The following SPATC1L variants were observed in gnomAD, a reference collection of about 807,000 sequenced individuals.
SPATC1L encodes the protein spermatogenesis and centriole associated 1 like, also known as speriolin-like protein.
SPATC1L carries 20 observed loss-of-function variants against 21.2 expected under a neutral mutation model. That is an observed-to-expected ratio of 0.94 (90% confidence interval 0.66 to 1.37). SPATC1L has a LOEUF of 1.37. Among genes scored for constraint, SPATC1L ranks in the 40% most tolerant of loss-of-function variants. The pLI is 0.00. For synonymous variants in SPATC1L, 290 were observed against 234.5 expected, an observed-to-expected ratio of 1.24 and a Z score of -2.16; for missense variants, 499 against 478.7, an observed-to-expected ratio of 1.04 and a Z score of -0.40.
At chr21:46,177,710 C>T (rs933433871) in intron 2 of SPATC1L, among the ~76,000 whole-genome samples, 1 of 152,148 alleles carries the variant, frequency 6.6e-6, no homozygotes, top group African/African-American at 2.4e-5. Context: ...CCTCGAAGAC[C>T]TAAAAACAGA....
chr21:46,164,422 G>T (rs994998010), intron 3 of SPATC1L, among the ~76,000 whole-genome samples: 1 of 152,200 alleles, frequency 6.6e-6, no homozygotes, highest in Non-Finnish European at 1.5e-5. Flanking sequence ...CTGCACAGAA[G>T]TGTGTTAGGG....
rs3057184 is a variant in SPATC1L, at chr21:46,162,590, C to CTTTTTTTTTTTTTTTTTTTTTTT, written c.545-524_545-523insAAAAAAAAAAAAAAAAAAAAAAA. Among the ~76,000 whole-genome samples, 3 of 133,394 alleles carry CTTTTTTTTTTTTTTTTTTTTTTT rather than the reference C, an allele frequency of 2.2e-5. 1 individual carries two copies. The highest frequency in any genetic ancestry group is 6.0e-5 in the African/African-American group (2 of 33,594). The allele number at this position is 133,394 out of a possible 152,430, so 87.5% of individuals were successfully genotyped here. The stretch of plus-strand genomic sequence containing the variant: ...GAAAAGGACCGCTGGGTTGGCAGGA[C>CTTTTTTTTTTTTTTTTTTTTTTT]TTTTTTTTTTTTCTTAGACAGAGTC... On this transcript the variant is annotated intron_variant, in intron 3 of 4. Coordinates refer to ENST00000291672, the MANE Select transcript of SPATC1L (RefSeq NM_001142854.2).
At chr21:46,180,205 C>T (rs1026609078) in intron 2 of SPATC1L, among the ~76,000 whole-genome samples, 5 of 152,264 alleles carry the variant, frequency 3.3e-5, no homozygotes, top group Non-Finnish European at 2.9e-5. Context: ...TCAAGTGTGC[C>T]GGGGAGATCT....
chr21:46,176,170 T>C (rs1381825740), intron 2 of SPATC1L, among the ~76,000 whole-genome samples: 1 of 152,184 alleles, frequency 6.6e-6, no homozygotes, highest in Non-Finnish European at 1.5e-5. Context: ...GTAAGAGCTA[T>C]GTATGACAAA....
chr21:46,181,027 C>T (rs1293315165), intron 2 of SPATC1L, among the ~76,000 whole-genome samples: 1 of 152,250 alleles, frequency 6.6e-6, no homozygotes. Context: ...TGCCCCTCTC[C>T]TGCCAGGGGA....
intron 2 of SPATC1L, among the ~76,000 whole-genome samples, chr21:46,171,980 A>G (rs2079594379): frequency 6.6e-6 from 1 of 152,066 alleles, no homozygotes; most frequent in Non-Finnish European, 1.5e-5. Flanking sequence ...CAGGCCAAAA[A>G]TAATTGCACA....
At chr21:46,172,134 TGTGAGGTGGGGGATGCAAAGAGC>T (rs1305538511) in intron 2 of SPATC1L, among the ~76,000 whole-genome samples, 22 of 6,656 alleles carry the variant, frequency 3.3e-3, no homozygotes, top group African/African-American at 7.0e-3. Flanking sequence ...ATGCACAGAG[TGTGAGGTGGGGGATGCAAAGAGC>T]GTGAGGCGGG....
intron 2 of SPATC1L, among the ~76,000 whole-genome samples, chr21:46,172,335 A>G (rs75003466): frequency 0.11 from 16,287 of 152,266 alleles, 1,176 homozygotes; most frequent in African/African-American, 0.19. Context: ...GGGTGTGCAG[A>G]ACCCAGTGGC....
At chr21:46,167,567 C>T (rs1203871120) in intron 3 of SPATC1L, among the ~76,000 whole-genome samples, 1 of 152,116 alleles carries the variant, frequency 6.6e-6, no homozygotes, top group Non-Finnish European at 1.5e-5. Flanking sequence ...GTAATCCCAG[C>T]ATTTTGGGAG....
chr21:46,170,087 A>G (rs1601383649), intron 2 of SPATC1L, among the ~76,000 whole-genome samples: 1 of 81,256 alleles, frequency 1.2e-5, no homozygotes, highest in African/African-American at 6.0e-5. Context: ...GATGGGGAGG[A>G]GCCTCCTGCT....
intron 2 of SPATC1L, among the ~76,000 whole-genome samples, chr21:46,182,076 G>A (rs566943168): frequency 1.4e-3 from 215 of 152,324 alleles, no homozygotes; most frequent in African/African-American, 5.0e-3. Context: ...CGCAGGGACA[G>A]GCGCCCACTT....
At chr21:46,173,406 T>G (rs2079608125) in intron 2 of SPATC1L, among the ~76,000 whole-genome samples, 1 of 152,104 alleles carries the variant, frequency 6.6e-6, no homozygotes, top group African/African-American at 2.4e-5. Flanking sequence ...TAGCTTCCCC[T>G]GGGCCCAGGC....
At chr21:46,166,061 C>T (rs552494414) in intron 3 of SPATC1L, among the ~76,000 whole-genome samples, 4 of 152,088 alleles carry the variant, frequency 2.6e-5, no homozygotes, top group Non-Finnish European at 5.9e-5. Flanking sequence ...AAATCTTTAT[C>T]AATAATAACT....
At chr21:46,161,738 G>GCTCGGGGCC in intron 4 of SPATC1L, 33 bp from the exon 5 acceptor site, 2 of 1,537,086 alleles carry the variant, frequency 1.3e-6, no homozygotes, top group Non-Finnish European at 1.8e-6. Flanking sequence ...GGGGTGGGGG[G>GCTCGGGGCC]CTCGGGGCCC....
At chr21:46,165,013 A>G (rs1429007850) in intron 3 of SPATC1L, among the ~76,000 whole-genome samples, 1 of 152,198 alleles carries the variant, frequency 6.6e-6, no homozygotes, top group Non-Finnish European at 1.5e-5. Context: ...AGGGGAAAAA[A>G]GAAAGAAGAC....
chr21:46,174,395 T>C (rs1233569925), intron 2 of SPATC1L, among the ~76,000 whole-genome samples: 4 of 149,774 alleles, frequency 2.7e-5, no homozygotes, highest in South Asian at 4.2e-4. Flanking sequence ...CCAAGACCCA[T>C]TGGTATGCTG....
Position 46,168,594 on chromosome 21 carries a change from C to G in SPATC1L, c.258G>C (p.Leu86=). Residue 86 remains leucine (L), a synonymous_variant, in exon 3 of 5, where the codon CTG becomes CTC. Transcript: ENST00000291672. ...GGGCATGTGAGCACAGCAGGTCCTC[C>G]AGGGAGGATGTCTGCAGTTGGGAGG... is the stretch of plus-strand genomic sequence containing the variant. The part of the protein sequence containing the change: ...DTPSQLQTSS[L]EDLLCSHAPL... 4.9e-6 allele frequency: 7 copies of G among 1,427,400 alleles called. No homozygotes were observed. The highest frequency in any genetic ancestry group is 6.5e-6 in the Non-Finnish European group (7 of 1,074,896). The allele number at this position is 1,427,400 out of a possible 1,614,324, so 88.4% of individuals were successfully genotyped here.
chr21:46,179,766 C>T (rs966121199), intron 2 of SPATC1L, among the ~76,000 whole-genome samples: 2 of 152,178 alleles, frequency 1.3e-5, no homozygotes, highest in Admixed American at 6.5e-5. Flanking sequence ...CGAGTGGCAT[C>T]GTGGCCGTGC....
intron 2 of SPATC1L, among the ~76,000 whole-genome samples, chr21:46,170,102 G>T (rs2079573999): frequency 1.1e-5 from 1 of 87,326 alleles, no homozygotes; most frequent in Non-Finnish European, 2.4e-5. Context: ...CCTGCTTTGT[G>T]AGCATCCTCT....
Sources: gnomAD v4.1 joint callset for allele counts (sites outside exome capture counted in the v4.1 genomes callset) on GRCh38, gnomAD v4.1.1 for gene constraint, MANE v1.5 for transcripts, NCBI Gene and HGNC (gene_info 2026-07-23, HGNC 2026-07-21) for gene names.